LRFN3: variants seen among roughly 807,000 people sequenced by gnomAD.
LRFN3 encodes the protein leucine-rich repeat and fibronectin type-III domain-containing protein 3.
Under a neutral mutation model 23.8 loss-of-function variants are expected in LRFN3, and 8 were observed. The ratio of observed to expected loss-of-function variants is 0.34; its 90% CI spans 0.20 to 0.61. The LOEUF (loss-of-function observed/expected upper bound fraction) is 0.61. Among genes scored for constraint, LRFN3 ranks in the 20% least tolerant of loss-of-function variants. The pLI is 0.80. For synonymous variants in LRFN3, 451 were observed against 450.6 expected (o/e 1.00, Z -0.01); for missense variants, 736 against 935.3 (o/e 0.79, Z 2.78).
At chr19:35,943,189 C>G (rs1181345432) in intron 2 of LRFN3, among the ~76,000 whole-genome samples, 1 of 152,140 alleles carries the variant, frequency 6.6e-6, no homozygotes, top group Admixed American at 6.6e-5. Flanking sequence ...TAAGTCAACT[C>G]TCCAACAGGG....
intron 2 of LRFN3, 89 bp downstream of exon 2, chr19:35,940,929 G>A: frequency 7.1e-7 from 1 of 1,415,910 alleles, no homozygotes; most frequent in Non-Finnish European, 9.3e-7. Flanking sequence ...CTACACCGAA[G>A]CACAACTGAT....
Position 35,939,654 on chromosome 19 carries a change from C to G in LRFN3, c.229C>G (p.Arg77Gly). ...CAACTTCATCGCCTCCGTGCGCCGC[C>G]GCGACCTGGCCAACATGACAGGCCT... ...ADNFIASVRR[R>G]DLANMTGLLH... The change falls in exon 2 of 3, where the codon CGC becomes GGC. Residue 77 changes from arginine (R) to glycine (G), a missense_variant. Arg to Gly is a moderately radical substitution (Grantham distance 125). Around this residue, in one of 2 missense-constraint regions of LRFN3, gnomAD observed 446 missense variants for 647.9 expected, o/e 0.69. Transcript: ENST00000246529. This position sits in a 1 kb window ranked among gnomAD's most constrained non-coding sequence, Gnocchi z 6.4. The G allele has an allele frequency of 6.2e-7, 1 of 1,608,326 alleles. No homozygotes were observed. The highest frequency in any genetic ancestry group is 8.5e-7 in the Non-Finnish European group (1 of 1,179,366).
chr19:35,940,909 T>A, intron 2 of LRFN3, 69 bp downstream of exon 2: 4 of 1,449,168 alleles, frequency 2.8e-6, no homozygotes, highest in Non-Finnish European at 3.7e-6. Flanking sequence ...AGGGTACACC[T>A]ACTAATACCC....
At chr19:35,942,711 T>G (rs577573535) in intron 2 of LRFN3, among the ~76,000 whole-genome samples, 1 of 152,110 alleles carries the variant, frequency 6.6e-6, no homozygotes, top group African/African-American at 2.4e-5. Context: ...CTCGGAAGAT[T>G]GCACGGAAGT....
Position 35,939,738 on chromosome 19 carries a change from G to T in LRFN3, c.313G>T (p.Asp105Tyr). 6.2e-7 allele frequency: 1 copy of T among 1,603,536 alleles called. No homozygotes were observed. The change falls in exon 2 of 3, where the codon GAC becomes TAC. Residue 105 changes from aspartate to tyrosine, a missense_variant. By Grantham distance (160) the Asp-to-Tyr change is radical. This residue lies in a region of LRFN3 where 446 missense variants were observed against 647.9 expected (regional missense o/e 0.69). Coordinates refer to ENST00000246529, the MANE Select transcript of LRFN3 (RefSeq NM_024509.2). The surrounding 1 kb of genome is among the most constrained non-coding windows in gnomAD (Gnocchi z 6.4). The part of the protein sequence containing the change: ...IRHVAAGAFA[D>Y]LRALRALHLD... ...CCACGTGGCTGCCGGCGCCTTCGCCGACCTGCGGGCCCTGCGTGCCCTGCA... is the reference window on the plus strand; with the variant it reads ...CCACGTGGCTGCCGGCGCCTTCGCCTACCTGCGGGCCCTGCGTGCCCTGCA...
Position 35,946,338 on chromosome 19 carries a change from TTTTTC to T in LRFN3, c.*1324_*1328del, listed in dbSNP as rs1359847978. Among the ~76,000 whole-genome samples the T allele has an allele frequency of 1.8e-4, 27 of 148,042 alleles. No individual in the cohort carries two copies. Among genetic ancestry groups the T allele is most frequent in the African/African-American group, 7.1e-4 (27 of 38,092 alleles). On this transcript the variant is annotated 3_prime_UTR_variant, in exon 3 of 3. Transcript: ENST00000246529. ...GTCCCCACTATGGGACATTTTTTCT[TTTTTC>T]TTTTTTTTTTTTACAGATGGGGTCT...
At chr19:35,941,203 A>G (rs1976117646) in intron 2 of LRFN3, among the ~76,000 whole-genome samples, 1 of 151,868 alleles carries the variant, frequency 6.6e-6, no homozygotes, top group Non-Finnish European at 1.5e-5. Context: ...AAATAGTAGT[A>G]GCAAACATAA....
chr19:35,940,565 G>A lies in LRFN3; in HGVS notation c.1140G>A (p.Glu380=). 1 of 1,612,720 alleles carries A rather than the reference G, an allele frequency of 6.2e-7. No individual in the cohort carries two copies. The highest frequency in any genetic ancestry group is 2.2e-5 in the East Asian group (1 of 44,872). ...NAAGEATAAV[E]LTVGPPPPPQ... ...CTGGCGAGGCCACAGCTGCTGTGGA[G>A]CTGACTGTGGGTCCCCCACCACCTC... Residue 380 remains glutamate (E), a synonymous_variant, in exon 2 of 3, where the codon GAG becomes GAA. Transcript: ENST00000246529.
intron 2 of LRFN3, among the ~76,000 whole-genome samples, chr19:35,943,412 G>A (rs1014767192): frequency 6.6e-6 from 1 of 152,188 alleles, no homozygotes; most frequent in Non-Finnish European, 1.5e-5. Flanking sequence ...GGACTCATTG[G>A]AAAACAGGCT....
chr19:35,939,132 A>T lies in LRFN3; in HGVS notation c.-16-278A>T, dbSNP rs1163873476. ...GCGCCACCATGCCTAGCTAATTTTT[A>T]AAAATTTTTGTATAATAGATACACG... On this transcript the variant is annotated intron_variant, in intron 1 of 2. Coordinates refer to ENST00000246529, the MANE Select transcript of LRFN3 (RefSeq NM_024509.2). The surrounding 1 kb of genome is among the most constrained non-coding windows in gnomAD (Gnocchi z 6.4). Among the ~76,000 whole-genome samples the T allele has an allele frequency of 6.6e-6, 1 of 152,082 alleles. No individual in the cohort carries two copies. Among genetic ancestry groups the T allele is most frequent in the South Asian group, 2.1e-4 (1 of 4,800 alleles).
chr19:35,944,621 C>T lies in LRFN3; in HGVS notation c.1489C>T (p.Leu497Phe), dbSNP rs777772847. Residue 497 changes from leucine (L) to phenylalanine (F), a missense_variant, in exon 3 of 3, where the codon CTC (leucine) becomes TTC (phenylalanine). Leu to Phe is a conservative substitution (Grantham distance 22). Around this residue, in one of 2 missense-constraint regions of LRFN3, gnomAD observed 290 missense variants for 287.4 expected, o/e 1.01. Coordinates refer to ENST00000246529, the MANE Select transcript of LRFN3 (RefSeq NM_024509.2). The surrounding 1 kb of genome is among the most constrained non-coding windows in gnomAD (Gnocchi z 4.5). Reference sequence around the variant, plus strand: ...AGGCCGGACCTACGATCTGTGCGTGCTCGCCGTGTATGAGGACAGCGCCAC... The same window carrying T: ...AGGCCGGACCTACGATCTGTGCGTGTTCGCCGTGTATGAGGACAGCGCCAC... ...ASGRTYDLCV[L>F]AVYEDSATGL... The T allele has an allele frequency of 6.4e-7, 1 of 1,558,878 alleles. No homozygotes were observed. The highest frequency in any genetic ancestry group is 1.2e-5 in the South Asian group (1 of 83,116).
chr19:35,940,662 G>A lies in LRFN3; in HGVS notation c.1237G>A (p.Ala413Thr), dbSNP rs377607059. ...GDPDALTPPS[A>T]ASASAKVADT... ...TCCTGATGCTCTCACCCCACCCTCC[G>A]CTGCCTCTGCTTCTGCCAAGGTGGC... The change falls in exon 2 of 3, where the codon GCT becomes ACT. Residue 413 changes from alanine to threonine, a missense_variant. Physicochemically the swap from Ala to Thr is moderately conservative, Grantham distance 58 (BLOSUM62 0). This residue lies in a region of LRFN3 where 446 missense variants were observed against 647.9 expected (regional missense o/e 0.69). Transcript: ENST00000246529. The A allele has an allele frequency of 3.8e-5, 61 of 1,612,540 alleles. No individual in the cohort carries two copies. Among genetic ancestry groups the A allele is most frequent in the Middle Eastern group, 1.6e-4 (1 of 6,080 alleles).
Position 35,944,521 on chromosome 19 carries a change from C to A in LRFN3, c.1416-27C>A, listed in dbSNP as rs1377256661. On this transcript the variant is annotated intron_variant, in intron 2 of 2. Coordinates refer to ENST00000246529, the MANE Select transcript of LRFN3 (RefSeq NM_024509.2). This position sits in a 1 kb window ranked among gnomAD's most constrained non-coding sequence, Gnocchi z 4.5. ...AGGTTGGGGGCTGGGCAGCCTGAGA[C>A]CTGACCCCCACCTGCCTGCCCTGCA... The A allele has an allele frequency of 7.1e-6, 10 of 1,402,518 alleles. No individual in the cohort carries two copies. In the South Asian group the frequency reaches 1.6e-4, roughly 22 times the overall value. 86.9% of individuals were successfully genotyped at this position (1,402,518 alleles called of 1,614,324 possible).
rs994005343 is a variant in LRFN3, at chr19:35,946,224, A to C, written c.*1205A>C. ...TGCAGGACCCCTGGTCTGAGGCTGA[A>C]GCTGGAAATAGAAATGAGGGCTTTG... On this transcript the variant is annotated 3_prime_UTR_variant, in exon 3 of 3. Transcript: ENST00000246529. Among the ~76,000 whole-genome samples the C allele has an allele frequency of 6.6e-6, 1 of 152,042 alleles. No homozygotes were observed.
In LRFN3 at chr19:35,944,727, C is replaced by T; in HGVS notation, c.1595C>T (p.Ala532Val). 2 of 1,606,592 alleles carry T rather than the reference C, an allele frequency of 1.2e-6. No homozygotes were observed. Among genetic ancestry groups the T allele is most frequent in the Non-Finnish European group, 1.7e-6 (2 of 1,176,988 alleles). Residue 532 changes from alanine to valine, a missense_variant, in exon 3 of 3, where the codon GCT becomes GTT. By Grantham distance (64) the Ala-to-Val change is moderately conservative. Around this residue, in one of 2 missense-constraint regions of LRFN3, gnomAD observed 290 missense variants for 287.4 expected, o/e 1.01. Coordinates refer to ENST00000246529, the MANE Select transcript of LRFN3 (RefSeq NM_024509.2). The surrounding 1 kb of genome is among the most constrained non-coding windows in gnomAD (Gnocchi z 4.5). ...CTGCGGCCATGCGGGGCGCCGCACG[C>T]TCCCTTCCTGGGCGGCACGATGATC... Reference protein sequence around the residue: ...PALRPCGAPHAPFLGGTMIIA... With the variant: ...PALRPCGAPHVPFLGGTMIIA...
Position 35,940,587 on chromosome 19 carries a change from C to T in LRFN3, c.1162C>T (p.Pro388Ser), listed in dbSNP as rs775594662. The T allele has an allele frequency of 1.9e-6, 3 of 1,611,840 alleles. No homozygotes were observed. The highest frequency in any genetic ancestry group is 2.5e-6 in the Non-Finnish European group (3 of 1,178,890). The change falls in exon 2 of 3, where the codon CCT becomes TCT. Residue 388 changes from proline to serine, a missense_variant. By Grantham distance (74) the Pro-to-Ser change is moderately conservative. Around this residue, in one of 2 missense-constraint regions of LRFN3, gnomAD observed 446 missense variants for 647.9 expected, o/e 0.69. Transcript: ENST00000246529. ...AVELTVGPPPPPQLANSTSCD... is the reference protein window; with the variant it reads ...AVELTVGPPPSPQLANSTSCD... Reference sequence around the variant, plus strand: ...GGAGCTGACTGTGGGTCCCCCACCACCTCCTCAGCTAGCCAACAGCACCAG... The same window carrying T: ...GGAGCTGACTGTGGGTCCCCCACCATCTCCTCAGCTAGCCAACAGCACCAG...
chr19:35,942,395 G>A (rs994260634), intron 2 of LRFN3, among the ~76,000 whole-genome samples: 2 of 152,166 alleles, frequency 1.3e-5, no homozygotes, highest in Non-Finnish European at 2.9e-5. Flanking sequence ...GACCGCATGT[G>A]GTCAGCAGTG....
In LRFN3 at chr19:35,944,939, C is replaced by T; in HGVS notation, c.1807C>T (p.Pro603Ser). Residue 603 changes from proline to serine, a missense_variant, in exon 3 of 3, where the codon CCC becomes TCC. Around this residue, in one of 2 missense-constraint regions of LRFN3, gnomAD observed 290 missense variants for 287.4 expected, o/e 1.01. Coordinates refer to ENST00000246529, the MANE Select transcript of LRFN3 (RefSeq NM_024509.2). The surrounding 1 kb of genome is among the most constrained non-coding windows in gnomAD (Gnocchi z 4.5). Reference protein sequence around the residue: ...TPTPAPPAPEPAALRAHTVVQ... With the variant: ...TPTPAPPAPESAALRAHTVVQ... ...CACGCCCGCCCCGCCCGCCCCGGAGCCCGCGGCGCTCAGGGCCCACACCGT... is the reference window on the plus strand; with the variant it reads ...CACGCCCGCCCCGCCCGCCCCGGAGTCCGCGGCGCTCAGGGCCCACACCGT... The T allele has an allele frequency of 6.7e-7, 1 of 1,501,748 alleles. No individual in the cohort carries two copies. The allele number at this position is 1,501,748 out of a possible 1,614,324, so 93.0% of individuals were successfully genotyped here.
In LRFN3 at chr19:35,945,348, G is replaced by C; in HGVS notation, c.*329G>C. ...AGGATGGCGATCCATTCAGACAATA[G>C]ATGTTCCCTGCGTGTCGGCTCTGAG... On this transcript the variant is annotated 3_prime_UTR_variant, in exon 3 of 3. Coordinates refer to ENST00000246529, the MANE Select transcript of LRFN3 (RefSeq NM_024509.2). 1 of 256,582 alleles carries C rather than the reference G, an allele frequency of 3.9e-6. No homozygotes were observed. Among genetic ancestry groups the C allele is most frequent in the Non-Finnish European group, 7.3e-6 (1 of 136,098 alleles). 15.9% of individuals were successfully genotyped at this position (256,582 alleles called of 1,614,324 possible). A position where few individuals can be genotyped will look rare whatever the true frequency, so the allele number is the denominator to read the frequency against.
Sources: allele counts gnomAD v4.1 joint callset (sites outside exome capture counted in the v4.1 genomes callset), GRCh38; gene constraint gnomAD v4.1.1; regional missense constraint gnomAD v4.1.1; non-coding constraint Gnocchi (gnomAD v3.1); transcripts MANE v1.5; gene names NCBI Gene and HGNC (gene_info 2026-07-23, HGNC 2026-07-21).